MFSD1: variants seen among roughly 807,000 people sequenced by gnomAD.
The protein encoded by MFSD1 is lysosomal dipeptide transporter MFSD1.
MFSD1 carries 59 observed loss-of-function variants against 67.1 expected under a neutral mutation model. The observed-to-expected ratio is 0.88, with a 90% CI of 0.71 to 1.09. The LOEUF is 1.09. Ranked by LOEUF, MFSD1 falls within the 50% of genes least tolerant of loss-of-function variation. The pLI is 0.00. For missense variants in MFSD1, 552 were observed against 566.1 expected (o/e 0.97, Z 0.25); for synonymous variants, 213 against 200.3 (o/e 1.06, Z -0.54).
intron 5 of MFSD1, among the ~76,000 whole-genome samples, chr3:158,808,735 G>A (rs1729849698): frequency 6.6e-6 from 1 of 152,056 alleles, no homozygotes; most frequent in South Asian, 2.1e-4. Context: ...GCTTGTCTTT[G>A]CCTCTAGTGT....
intron 1 of MFSD1, among the ~76,000 whole-genome samples, chr3:158,802,854 AC>A (rs1340348326): frequency 6.6e-6 from 1 of 152,112 alleles, no homozygotes; most frequent in Non-Finnish European, 1.5e-5. Flanking sequence ...ATGGGGCGCC[AC>A]CACACCCGGC....
intron 12 of MFSD1, 78 bp from the exon 13 acceptor site, chr3:158,824,046 A>G: frequency 1.1e-6 from 1 of 942,228 alleles, no homozygotes; most frequent in Non-Finnish European, 1.7e-6. Context: ...CACAGATACT[A>G]ATATTTATAG....
At position 158,819,496 on chromosome 3, in the gene MFSD1, C is replaced by G. The variant is rs114418251; in HGVS notation, c.653-153C>G. On this transcript the variant is annotated intron_variant, in intron 7 of 15. Coordinates refer to ENST00000415822, the MANE Select transcript of MFSD1 (RefSeq NM_022736.4). ...TTGAATGTACTCTTCCTCTTTTGTC[C>G]CGATTTAGTAATTGCAGATTTTTCT... 1,443 of 483,708 alleles carry G rather than the reference C, an allele frequency of 3.0e-3. 26 individuals carry two copies. Among genetic ancestry groups the G allele is most frequent in the African/African-American group, 0.027 (1,349 of 50,146 alleles). 30.0% of individuals were successfully genotyped at this position (483,708 alleles called of 1,614,324 possible). A position where few individuals can be genotyped will look rare whatever the true frequency, so the allele number is the denominator to read the frequency against.
intron 7 of MFSD1, 126 bp from the exon 8 acceptor site, chr3:158,819,523 G>A (rs781651414): frequency 1.1e-5 from 5 of 470,822 alleles, no homozygotes; most frequent in African/African-American, 6.0e-5. Flanking sequence ...GATTTTTCTC[G>A]TGTCTTTATG....
intron 15 of MFSD1, among the ~76,000 whole-genome samples, 183 bp downstream of exon 15, chr3:158,827,520 T>C (rs1731045161): frequency 6.7e-6 from 1 of 149,800 alleles, no homozygotes; most frequent in Non-Finnish European, 1.5e-5. Flanking sequence ...GCTCAGGCAA[T>C]CCTCCCATCT....
intron 6 of MFSD1, among the ~76,000 whole-genome samples, chr3:158,810,724 A>G (rs1208548884): frequency 1.3e-5 from 2 of 152,198 alleles, no homozygotes; most frequent in Non-Finnish European, 2.9e-5. Flanking sequence ...GGGATATGAG[A>G]GGATCCCTTT....
At chr3:158,807,196 C>A in intron 4 of MFSD1, 114 bp downstream of exon 4, 2 of 1,008,634 alleles carry the variant, frequency 2.0e-6, no homozygotes, top group Non-Finnish European at 3.1e-6. Flanking sequence ...TAAGCAGAAC[C>A]CATAAATGCC....
intron 6 of MFSD1, among the ~76,000 whole-genome samples, chr3:158,813,398 G>A (rs908535828): frequency 1.3e-5 from 2 of 151,912 alleles, no homozygotes; most frequent in South Asian, 2.1e-4. Context: ...CACCCATCTC[G>A]GCCTCCCAAT....
chr3:158,823,246 G>T, intron 11 of MFSD1, 182 bp from the exon 12 acceptor site: 1 of 582,732 alleles, frequency 1.7e-6, no homozygotes, highest in Non-Finnish European at 3.1e-6. Context: ...GTCGCTAAAA[G>T]GATACTCTTA....
intron 6 of MFSD1, among the ~76,000 whole-genome samples, chr3:158,810,882 C>T (rs1729973094): frequency 6.6e-6 from 1 of 152,064 alleles, no homozygotes; most frequent in African/African-American, 2.4e-5. Flanking sequence ...TAAGGATATT[C>T]CCAAAGCCTT....
chr3:158,805,474 G>A lies in MFSD1; in HGVS notation c.329G>A (p.Arg110Gln), dbSNP rs756548123. The A allele has an allele frequency of 1.9e-5, 31 of 1,601,362 alleles. No individual in the cohort carries two copies. Among genetic ancestry groups the A allele is most frequent in the African/African-American group, 1.1e-4 (8 of 74,596 alleles). Residue 110 changes from arginine (R) to glutamine (Q), a missense_variant and splice_region_variant, in exon 3 of 16, where the codon CGA becomes CAA. Coordinates refer to ENST00000415822, the MANE Select transcript of MFSD1 (RefSeq NM_022736.4). ...TTGATAGACCGAGTATTTGGAATAC[G>A]GTAAGCTTGAAAAGAAACTATGGGT... ...GFLIDRVFGI[R>Q]WGTIIFSCFV...
chr3:158,816,533 G>A lies in MFSD1; in HGVS notation c.652+2466G>A, dbSNP rs552520469. Among the ~76,000 whole-genome samples the A allele has an allele frequency of 3.6e-3, 544 of 152,018 alleles. 5 individuals are homozygous for A. Among genetic ancestry groups the A allele is most frequent in the African/African-American group, 0.013 (528 of 41,430 alleles). On this transcript the variant is annotated intron_variant, in intron 7 of 15. Transcript: ENST00000415822. ...TCTTGTAAATTTGTTTGAGTTCATT[G>A]TAGATTCTGGATATTAGCCCTTTGT...
At chr3:158,811,197 A>G (rs939049088) in intron 6 of MFSD1, among the ~76,000 whole-genome samples, 2 of 152,228 alleles carry the variant, frequency 1.3e-5, no homozygotes, top group East Asian at 3.8e-4. Context: ...GGCGCTCAGG[A>G]TGACAGCACA....
chr3:158,816,501 GT>G (rs1450975941), intron 7 of MFSD1, among the ~76,000 whole-genome samples: 1 of 152,024 alleles, frequency 6.6e-6, no homozygotes, highest in African/African-American at 2.4e-5. Context: ...TGATGGGGTT[GT>G]TTTTTTCTTG....
intron 6 of MFSD1, among the ~76,000 whole-genome samples, chr3:158,812,786 AG>A (rs2108214825): frequency 6.6e-6 from 1 of 152,278 alleles, no homozygotes; most frequent in Non-Finnish European, 1.5e-5. Context: ...GTCCTCCTGT[AG>A]CTTCCCTTCC....
chr3:158,824,867 A>G (rs887188213), intron 13 of MFSD1, among the ~76,000 whole-genome samples: 3 of 152,204 alleles, frequency 2.0e-5, no homozygotes, highest in Non-Finnish European at 4.4e-5. Context: ...AATAAAGACC[A>G]TCCATACCTG....
At chr3:158,818,916 G>A (rs1013303559) in intron 7 of MFSD1, among the ~76,000 whole-genome samples, 19 of 152,206 alleles carry the variant, frequency 1.2e-4, no homozygotes, top group Admixed American at 1.3e-4. Context: ...AAGAGAGCTT[G>A]TGTTCCATGT....
intron 9 of MFSD1, among the ~76,000 whole-genome samples, chr3:158,820,961 T>C (rs1730639386): frequency 6.6e-6 from 1 of 152,212 alleles, no homozygotes; most frequent in South Asian, 2.1e-4. Flanking sequence ...TAGTTGATTT[T>C]AGACTAGTAT....
chr3:158,825,442 G>C (rs1195492141), intron 13 of MFSD1: 1 of 152,238 alleles, frequency 6.6e-6, no homozygotes, highest in Non-Finnish European at 1.5e-5. Flanking sequence ...AAAATAATAA[G>C]ATAATAGGCC....
Sources: gnomAD v4.1 joint callset for allele counts (sites outside exome capture counted in the v4.1 genomes callset) on GRCh38, gnomAD v4.1.1 for gene constraint, MANE v1.5 for transcripts, NCBI Gene and HGNC (gene_info 2026-07-23, HGNC 2026-07-21) for gene names.